Variants in SRGAP3 observed in about 807,000 individuals in gnomAD.
SRGAP3 encodes the protein SLIT-ROBO Rho GTPase activating protein 3.
In SRGAP3, 39 loss-of-function variants were observed where a neutral mutation model predicts 121.1. That is an observed-to-expected ratio of 0.32 (90% CI 0.25 to 0.42). The LOEUF (loss-of-function observed/expected upper bound fraction) is 0.42. Ranked by LOEUF, SRGAP3 falls within the 10% of genes least tolerant of loss-of-function variation. SRGAP3 has a pLI of 1.00. For missense variants in SRGAP3, 1,213 were observed against 1,470.6 expected (o/e 0.82, Z 2.86); for synonymous variants, 601 against 570.0 (o/e 1.05, Z -0.77).
intron 1 of SRGAP3, among the ~76,000 whole-genome samples, chr3:9,159,182 C>G (rs928980747): frequency 2.0e-5 from 3 of 152,260 alleles, no homozygotes; most frequent in African/African-American, 7.2e-5. Context: ...CCCAAGAACC[C>G]TCCCCACCAC....
chr3:9,296,689 C>T (rs1357317424), intron 3 of SRGAP3, among the ~76,000 whole-genome samples: 1 of 152,166 alleles, frequency 6.6e-6, no homozygotes, highest in Non-Finnish European at 1.5e-5. Flanking sequence ...ACTCACCACC[C>T]TGCCTCAGTT....
chr3:9,055,561 G>C (rs568905678), intron 8 of SRGAP3, among the ~76,000 whole-genome samples: 114 of 152,330 alleles, frequency 7.5e-4, no homozygotes, highest in African/African-American at 2.7e-3. Context: ...CTGCAGGGGA[G>C]GGAGGCTGGG....
chr3:9,105,548 T>A (rs1246539482), intron 2 of SRGAP3, among the ~76,000 whole-genome samples: 3 of 152,186 alleles, frequency 2.0e-5, no homozygotes, highest in African/African-American at 7.2e-5. Context: ...AGCAAGAGCA[T>A]GACCTGGGGA....
At chr3:9,160,276 G>T (rs531618778) in intron 1 of SRGAP3, among the ~76,000 whole-genome samples, 24 of 152,298 alleles carry the variant, frequency 1.6e-4, no homozygotes, top group African/African-American at 5.8e-4. Flanking sequence ...CCCTAAGTGT[G>T]GGACATATTT....
At chr3:9,288,978 C>T (rs1320974856) in intron 3 of SRGAP3, among the ~76,000 whole-genome samples, 3 of 152,132 alleles carry the variant, frequency 2.0e-5, no homozygotes, top group Non-Finnish European at 4.4e-5. Flanking sequence ...CTAACTGCAA[C>T]CTCCACCTCC....
chr3:9,202,821 C>T (rs963746674), intron 1 of SRGAP3, among the ~76,000 whole-genome samples: 34 of 152,268 alleles, frequency 2.2e-4, no homozygotes, highest in African/African-American at 8.0e-4. Context: ...CAGCTGCCCA[C>T]AGTGGCTGAC....
In SRGAP3 at chr3:9,104,788, C is replaced by A; in HGVS notation, c.315G>T (p.Gln105His). 1 of 1,614,242 alleles carries A rather than the reference C, an allele frequency of 6.2e-7. No individual in the cohort carries two copies. Among genetic ancestry groups the A allele is most frequent in the African/African-American group, 1.3e-5 (1 of 75,070 alleles). The part of the protein sequence containing the change: ...PVNCWYLVLH[Q>H]TRRESRDHAT... The stretch of plus-strand genomic sequence containing the variant: ...CATGGTCTCGGCTCTCCCGCCGGGT[C>A]TGATGCAGAACCAGATACCAACAGT... Residue 105 changes from glutamine (Q) to histidine (H), a missense_variant, in exon 3 of 22, where the codon CAG becomes CAT. By Grantham distance (24) the Gln-to-His change is conservative (BLOSUM62 0). This residue lies in a region of SRGAP3 where 793 missense variants were observed against 1,032.9 expected (regional missense o/e 0.77). Transcript: ENST00000383836.
chr3:9,066,774 C>G (rs571238045), intron 4 of SRGAP3, among the ~76,000 whole-genome samples: 5 of 152,360 alleles, frequency 3.3e-5, no homozygotes, highest in Admixed American at 3.3e-4. Context: ...GTTAAGATTA[C>G]AGGCGTGAGC....
intron 4 of SRGAP3, among the ~76,000 whole-genome samples, chr3:9,072,340 C>A (rs1022471037): frequency 2.6e-5 from 4 of 152,272 alleles, no homozygotes; most frequent in African/African-American, 9.6e-5. Context: ...TTCCCACACA[C>A]TGTCATATCC....
chr3:9,195,188 C>A (rs1382331708), intron 1 of SRGAP3, among the ~76,000 whole-genome samples: 3 of 152,210 alleles, frequency 2.0e-5, no homozygotes, highest in Non-Finnish European at 4.4e-5. Flanking sequence ...AAAATAACTG[C>A]AAGTGCACAG....
At chr3:9,148,877 T>C (rs185712882) in intron 1 of SRGAP3, among the ~76,000 whole-genome samples, 69 of 152,254 alleles carry the variant, frequency 4.5e-4, no homozygotes, top group African/African-American at 1.6e-3. Flanking sequence ...TTCCTTGGAA[T>C]TATGTGAGTT....
chr3:9,159,474 G>A (rs1344864987), intron 1 of SRGAP3, among the ~76,000 whole-genome samples: 1 of 152,152 alleles, frequency 6.6e-6, no homozygotes, highest in Non-Finnish European at 1.5e-5. Context: ...TAATCAGCAA[G>A]CGTGACAGGG....
intron 1 of SRGAP3, among the ~76,000 whole-genome samples, chr3:9,210,887 A>AT (rs1952424211): frequency 6.6e-6 from 1 of 152,328 alleles, no homozygotes; most frequent in Non-Finnish European, 1.5e-5. Context: ...AAACTGTTAA[A>AT]TTTTTTTAAA....
intron 1 of SRGAP3, among the ~76,000 whole-genome samples, chr3:9,178,719 G>C (rs1307802929): frequency 6.6e-6 from 1 of 152,132 alleles, no homozygotes; most frequent in Non-Finnish European, 1.5e-5. Context: ...CCATGGCCTG[G>C]ATCCCTCCCT....
At chr3:9,183,716 A>G (rs1049132068) in intron 1 of SRGAP3, among the ~76,000 whole-genome samples, 10 of 152,134 alleles carry the variant, frequency 6.6e-5, no homozygotes, top group African/African-American at 2.2e-4. Flanking sequence ...CTAGTTGAAC[A>G]TGTCCTTCCA....
upstream of SRGAP3, among the ~76,000 whole-genome samples, chr3:9,253,560 G>A (rs1343306440): frequency 6.6e-6 from 1 of 152,100 alleles, no homozygotes; most frequent in Non-Finnish European, 1.5e-5. Context: ...TTTTCTGGTC[G>A]AATATGAACA....
chr3:9,358,384 A>G (rs1043490032), intron 1 of SRGAP3, among the ~76,000 whole-genome samples: 2 of 152,208 alleles, frequency 1.3e-5, no homozygotes, highest in Non-Finnish European at 2.9e-5. Context: ...TAGTGTTTCA[A>G]AAGTCCATCC....
intron 2 of SRGAP3, among the ~76,000 whole-genome samples, chr3:9,121,044 C>G (rs1439479438): frequency 6.6e-6 from 1 of 152,194 alleles, no homozygotes; most frequent in Non-Finnish European, 1.5e-5. Context: ...GTCTCCATCC[C>G]AGTTCTGCTC....
At chr3:9,165,564 C>G (rs1033470196) in intron 1 of SRGAP3, among the ~76,000 whole-genome samples, 1 of 152,188 alleles carries the variant, frequency 6.6e-6, no homozygotes, top group African/African-American at 2.4e-5. Context: ...GATCACGTCA[C>G]CCCTCCTGCT....
Sources: allele counts gnomAD v4.1 joint callset (sites outside exome capture counted in the v4.1 genomes callset), GRCh38; gene constraint gnomAD v4.1.1; regional missense constraint gnomAD v4.1.1; transcripts MANE v1.5; gene names NCBI Gene and HGNC (gene_info 2026-07-23, HGNC 2026-07-21).